The following VWDE variants were observed in gnomAD, a reference collection of about 807,000 sequenced individuals.
VWDE encodes the protein von Willebrand factor D and EGF domain-containing protein.
Under a neutral mutation model 178.4 loss-of-function variants are expected in VWDE, and 207 were observed. The observed-to-expected ratio is 1.16, with a 90% CI of 1.04 to 1.30. The LOEUF is 1.30. Ranked by LOEUF, VWDE falls within the 50% of genes most tolerant of loss-of-function variation. The probability of loss-of-function intolerance (pLI) is 0.00; values close to 1 mark genes in which losing one functional copy is unlikely to be tolerated. For synonymous variants in VWDE, 738 were observed against 651.4 expected, an observed-to-expected ratio of 1.13 and a Z score of -2.02; for missense variants, 2,287 against 1,901.3, an observed-to-expected ratio of 1.20 and a Z score of -3.77.
At chr7:12,349,054 C>T (rs1263936556) in intron 19 of VWDE, among the ~76,000 whole-genome samples, 3 of 152,024 alleles carry the variant, frequency 2.0e-5, no homozygotes, top group African/African-American at 7.2e-5. Flanking sequence ...AGAAGGGGAA[C>T]ATTACACTCT....
intron 19 of VWDE, among the ~76,000 whole-genome samples, chr7:12,345,850 A>T (rs1781570000): frequency 6.6e-6 from 1 of 152,148 alleles, no homozygotes; most frequent in African/African-American, 2.4e-5. Context: ...TTCAGTGATG[A>T]GCGGGAGATG....
In VWDE at chr7:12,369,547, T is replaced by G; in HGVS notation, c.2759A>C (p.Tyr920Ser). ...AAACTTTGAGAGTACTTACTTACCA[T>G]AGGAATCACTGCAGTCATAGGAACT... ...SFSSYDCSDS[Y>S]DKAPEITELG... Residue 920 changes from tyrosine (Y) to serine (S), a missense_variant and splice_region_variant, in exon 12 of 29, where the codon TAT (tyrosine) becomes TCT (serine). Tyr to Ser is a moderately radical substitution (Grantham distance 144). Coordinates refer to ENST00000275358, the MANE Select transcript of VWDE (RefSeq NM_001135924.3). The G allele has an allele frequency of 6.6e-7, 1 of 1,524,822 alleles. No homozygotes were observed. The highest frequency in any genetic ancestry group is 8.9e-7 in the Non-Finnish European group (1 of 1,129,662). 94.5% of individuals were successfully genotyped at this position (1,524,822 alleles called of 1,614,324 possible).
chr7:12,375,194 G>C lies in VWDE; in HGVS notation c.1058C>G (p.Ser353Cys). The change falls in exon 8 of 29, where the codon TCT becomes TGT. Residue 353 changes from serine (S) to cysteine (C), a missense_variant. By Grantham distance (112) the Ser-to-Cys change is moderately radical. Transcript: ENST00000275358. Reference protein sequence around the residue: ...REHLGLNLALSSCHVDLLQTS... With the variant: ...REHLGLNLALCSCHVDLLQTS... ...CTGGAGAAGGTCCACATGACAGGAA[G>C]ACAGTGCCAAATTTAAGCCTAGGTG... The C allele has an allele frequency of 6.4e-7, 1 of 1,551,032 alleles. No homozygotes were observed. The highest frequency in any genetic ancestry group is 2.4e-5 in the East Asian group (1 of 40,890).
intron 23 of VWDE, among the ~76,000 whole-genome samples, chr7:12,341,154 T>G (rs548380040): frequency 6.6e-6 from 1 of 152,168 alleles, no homozygotes; most frequent in Non-Finnish European, 1.5e-5. Flanking sequence ...AATTTTATAA[T>G]TCTGTCACTA....
In VWDE at chr7:12,336,998, T is replaced by C; in HGVS notation, c.4548A>G (p.Arg1516=). ...GAGTATTCCTCTTACGTGTGTTGCATCGTTTCCCACTCCAACCAGAAGGAC... is the reference window on the plus strand; with the variant it reads ...GAGTATTCCTCTTACGTGTGTTGCACCGTTTCCCACTCCAACCAGAAGGAC... ...CSCPSGWSGK[R]CNTPICLQKC... is the part of the protein sequence containing the mutation. Residue 1516 remains arginine (R), a synonymous_variant, in exon 26 of 29, where the codon CGA becomes CGG. Coordinates refer to ENST00000275358, the MANE Select transcript of VWDE (RefSeq NM_001135924.3). 1.3e-6 allele frequency: 2 copies of C among 1,551,050 alleles called. No individual in the cohort carries two copies. The highest frequency in any genetic ancestry group is 1.7e-6 in the Non-Finnish European group (2 of 1,146,640).
chr7:12,393,742 C>G lies in VWDE; in HGVS notation c.95G>C (p.Arg32Pro), dbSNP rs1454518505. 6.5e-7 allele frequency: 1 copy of G among 1,550,266 alleles called. No homozygotes were observed. The highest frequency in any genetic ancestry group is 2.4e-5 in the East Asian group (1 of 40,878). The change falls in exon 2 of 29, where the codon CGG (arginine) becomes CCG (proline). Residue 32 changes from arginine to proline, a missense_variant. Arg to Pro is a moderately radical substitution (Grantham distance 103, BLOSUM62 -2). Coordinates refer to ENST00000275358, the MANE Select transcript of VWDE (RefSeq NM_001135924.3). ...ECSPGGHQFL[R>P]SPYRSVRFDS... ...AAAACGGACACTTCTATAAGGACTC[C>G]GAAGAAACTGGTGTCCCCCAGGAGA...
Position 12,393,785 on chromosome 7 carries a change from T to C in VWDE, c.59-7A>G, listed in dbSNP as rs770972416. ...CCAGGAGAGCACTCCTGAGCTAGTA[T>C]GGAAAGACAGGTGTTTTTATGTAAT... On this transcript the variant is annotated splice_polypyrimidine_tract_variant and splice_region_variant and intron_variant, in intron 1 of 28. Coordinates refer to ENST00000275358, the MANE Select transcript of VWDE (RefSeq NM_001135924.3). The C allele has an allele frequency of 5.2e-6, 8 of 1,532,122 alleles. No individual in the cohort carries two copies. Among genetic ancestry groups the C allele is most frequent in the Admixed American group, 2.1e-5 (1 of 46,988 alleles). The allele number at this position is 1,532,122 out of a possible 1,614,324, so 94.9% of individuals were successfully genotyped here.
intron 1 of VWDE, among the ~76,000 whole-genome samples, chr7:12,399,858 A>G (rs73288158): frequency 0.15 from 23,501 of 152,122 alleles, 2,124 homozygotes; most frequent in African/African-American, 0.25. Flanking sequence ...ATTCAAAAAG[A>G]TGAAATTCAT....
In VWDE at chr7:12,373,174, G is replaced by A. The variant is rs555003498; in HGVS notation, c.1390C>T (p.Arg464Cys). Reference sequence around the variant, plus strand: ...TGAAGGCTTCTGCAGTCCCACTGACGTACATGGACTTCAAAATCACGTGAC... The same window carrying A: ...TGAAGGCTTCTGCAGTCCCACTGACATACATGGACTTCAAAATCACGTGAC... ...SMSRDFEVHVRQWDCRSLHYP... is the reference protein window; with the variant it reads ...SMSRDFEVHVCQWDCRSLHYP... The change falls in exon 10 of 29, where the codon CGT (arginine) becomes TGT (cysteine). Residue 464 changes from arginine to cysteine, a missense_variant. Physicochemically the swap from Arg to Cys is radical, Grantham distance 180. Coordinates refer to ENST00000275358, the MANE Select transcript of VWDE (RefSeq NM_001135924.3). 3.9e-5 allele frequency: 60 copies of A among 1,551,268 alleles called. No homozygotes were observed. The South Asian group carries it at 6.2e-4, about 16-fold the overall frequency.
intron 19 of VWDE, among the ~76,000 whole-genome samples, chr7:12,346,233 A>G (rs1387534396): frequency 6.6e-6 from 1 of 152,150 alleles, no homozygotes; most frequent in Non-Finnish European, 1.5e-5. Flanking sequence ...TGAAATGGCT[A>G]ACAAACACCT....
rs112732982 is a variant in VWDE at position 12,396,777 on chromosome 7, A to T, written c.59-2999T>A. Among the ~76,000 whole-genome samples, 8 of 152,040 alleles carry T rather than the reference A, an allele frequency of 5.3e-5. 1 individual carries two copies. Among genetic ancestry groups the T allele is most frequent in the African/African-American group, 1.9e-4 (8 of 41,512 alleles). ...CTTAAAAAAAAAAAAAAAATACAAAAATACAAAATCAGCCAGGTGTTGTGG... is the reference window on the plus strand; with the variant it reads ...CTTAAAAAAAAAAAAAAAATACAAATATACAAAATCAGCCAGGTGTTGTGG... On this transcript the variant is annotated intron_variant, in intron 1 of 28. Transcript: ENST00000275358.
intron 20 of VWDE, 28 bp downstream of exon 20, chr7:12,344,346 A>C: frequency 1.3e-6 from 2 of 1,550,034 alleles, no homozygotes; most frequent in Non-Finnish European, 1.7e-6. Flanking sequence ...ACAATTTATC[A>C]TGCAAACTAA....
In VWDE at chr7:12,393,667, TGGTCACATATTA is replaced by T; in HGVS notation, c.158_169del (p.Leu53_Asp56del). 2.6e-6 allele frequency: 4 copies of T among 1,551,218 alleles called. No individual in the cohort carries two copies. The highest frequency in any genetic ancestry group is 2.6e-6 in the Non-Finnish European group (3 of 1,146,672). Reference sequence around the variant, plus strand: ...TCTATACCATCCAGGGGAGAGGGAATGGTCACATATTAGGTCTTGAACAGCTGACTGCTGGAG... The same window carrying T: ...TCTATACCATCCAGGGGAGAGGGAATGGTCTTGAACAGCTGACTGCTGGAG... On this transcript the variant is annotated inframe_deletion, in exon 2 of 29. Coordinates refer to ENST00000275358, the MANE Select transcript of VWDE (RefSeq NM_001135924.3).
chr7:12,364,721 T>C (rs1312478747), intron 13 of VWDE, among the ~76,000 whole-genome samples: 1 of 152,118 alleles, frequency 6.6e-6, no homozygotes, highest in Non-Finnish European at 1.5e-5. Flanking sequence ...ACCATAGTCA[T>C]AATTGCTACA....
rs1223412579 is a variant in VWDE at position 12,380,672 on chromosome 7, C to CA, written c.602dup (p.Leu201PhefsTer3). 1 of 1,552,022 alleles carries CA rather than the reference C, an allele frequency of 6.4e-7. No individual in the cohort carries two copies. The highest frequency in any genetic ancestry group is 8.7e-7 in the Non-Finnish European group (1 of 1,147,058). ...ACCTACAGAAAAGCCTGGACTCAAT[C>CA]AACTCCACCAGAACCTCTGGCCTTC... On this transcript the variant is annotated frameshift_variant, in exon 5 of 29. Transcript: ENST00000275358. LOFTEE classifies it high-confidence loss of function.
chr7:12,370,579 A>T, intron 11 of VWDE, 70 bp from the exon 12 acceptor site: 1 of 1,529,176 alleles, frequency 6.5e-7, no homozygotes, highest in Non-Finnish European at 8.8e-7. Context: ...ATGTGTTGCA[A>T]AAAAGCAGAG....
intron 3 of VWDE, among the ~76,000 whole-genome samples, chr7:12,387,744 T>C (rs1391875131): frequency 6.6e-6 from 1 of 152,098 alleles, no homozygotes; most frequent in Non-Finnish European, 1.5e-5. Flanking sequence ...TGTTCATGAG[T>C]GTTACCCATA....
At chr7:12,347,902 C>T (rs992417764) in intron 19 of VWDE, among the ~76,000 whole-genome samples, 7 of 151,992 alleles carry the variant, frequency 4.6e-5, no homozygotes, top group Non-Finnish European at 8.8e-5. Flanking sequence ...CAGAACAGAA[C>T]CCTCAGAAAT....
chr7:12,383,547 C>T lies in VWDE; in HGVS notation c.530G>A (p.Gly177Asp), dbSNP rs565278146. Residue 177 changes from glycine to aspartate, a missense_variant, in exon 4 of 29, where the codon GGT becomes GAT. Physicochemically the swap from Gly to Asp is moderately conservative, Grantham distance 94. Transcript: ENST00000275358. The stretch of plus-strand genomic sequence containing the variant: ...AATATGATACTTACGAACACAATCA[C>T]CTCCTGTTTCAGTTTCATCAGAACC... ...PCGSDETETG[G>D]DCVRQLAASL... 1 of 1,550,262 alleles carries T rather than the reference C, an allele frequency of 6.5e-7. No homozygotes were observed. The highest frequency in any genetic ancestry group is 1.2e-5 in the South Asian group (1 of 84,012).
Sources: gnomAD v4.1 joint callset for allele counts (sites outside exome capture counted in the v4.1 genomes callset) on GRCh38, gnomAD v4.1.1 for gene constraint, MANE v1.5 for transcripts, NCBI Gene and HGNC (gene_info 2026-07-23, HGNC 2026-07-21) for gene names.